The following LRMDA variants were observed in gnomAD, a reference collection of about 807,000 sequenced individuals.
LRMDA encodes the protein leucine rich melanocyte differentiation associated.
In LRMDA, 18 loss-of-function variants were observed where a neutral mutation model predicts 29.8. The observed-to-expected ratio is 0.60, with a 90% CI of 0.42 to 0.90. The LOEUF is 0.90. LRMDA is among the 40% of genes least tolerant of loss of function. The probability of loss-of-function intolerance (pLI) is 0.00; values close to 1 mark genes in which losing one functional copy is unlikely to be tolerated. For synonymous variants in LRMDA, 125 were observed against 109.4 expected, an observed-to-expected ratio of 1.14 and a Z score of -0.89; for missense variants, 273 against 273.9, an observed-to-expected ratio of 1.00 and a Z score of 0.02.
chr10:76,156,804 A>G (rs931762881), intron 5 of LRMDA, among the ~76,000 whole-genome samples: 2 of 152,206 alleles, frequency 1.3e-5, no homozygotes, highest in Non-Finnish European at 1.5e-5. Context: ...TGGGACATTT[A>G]TAGGAGAGCA....
At chr10:75,789,576 G>A (rs1211787873) in intron 2 of LRMDA, among the ~76,000 whole-genome samples, 2 of 152,184 alleles carry the variant, frequency 1.3e-5, no homozygotes. Flanking sequence ...TAATTCATAA[G>A]TGTATATTAT....
chr10:75,993,996 C>G (rs939686475), intron 2 of LRMDA, among the ~76,000 whole-genome samples: 2 of 152,168 alleles, frequency 1.3e-5, no homozygotes, highest in Non-Finnish European at 2.9e-5. Flanking sequence ...CAGGGCTTTT[C>G]TCTGGCTTCA....
At chr10:76,440,317 A>G (rs1842288226) in intron 6 of LRMDA, among the ~76,000 whole-genome samples, 1 of 152,210 alleles carries the variant, frequency 6.6e-6, no homozygotes, top group Non-Finnish European at 1.5e-5. Context: ...CTAAACAATC[A>G]CAATGCACAT....
At chr10:76,391,886 A>G (rs1841727167) in intron 6 of LRMDA, among the ~76,000 whole-genome samples, 2 of 152,190 alleles carry the variant, frequency 1.3e-5, no homozygotes, top group Non-Finnish European at 2.9e-5. Flanking sequence ...TTTGAAGTCT[A>G]TGCAAATTAT....
At chr10:76,375,948 T>C (rs2132464376) in intron 6 of LRMDA, among the ~76,000 whole-genome samples, 1 of 152,262 alleles carries the variant, frequency 6.6e-6, no homozygotes, top group East Asian at 1.9e-4. Flanking sequence ...AGTAAGAATA[T>C]CCTGCTGTAT....
intron 6 of LRMDA, among the ~76,000 whole-genome samples, chr10:76,536,916 G>T (rs910371990): frequency 2.0e-5 from 3 of 152,084 alleles, no homozygotes; most frequent in Non-Finnish European, 2.9e-5. Flanking sequence ...CTATGTTGGT[G>T]CATGGTAATT....
intron 2 of LRMDA, among the ~76,000 whole-genome samples, chr10:75,793,936 T>C (rs1321239615): frequency 1.3e-5 from 2 of 152,248 alleles, no homozygotes; most frequent in African/African-American, 4.8e-5. Flanking sequence ...ATGCAGTCTC[T>C]GTCACAACTC....
intron 5 of LRMDA, among the ~76,000 whole-genome samples, chr10:76,085,884 C>T (rs541575512): frequency 6.4e-4 from 98 of 152,316 alleles, no homozygotes; most frequent in African/African-American, 2.3e-3. Context: ...CTGCAGATAG[C>T]CTCTATAGAC....
chr10:76,439,391 G>A (rs749189464), intron 6 of LRMDA, among the ~76,000 whole-genome samples: 7 of 152,158 alleles, frequency 4.6e-5, no homozygotes. Context: ...CTTAATGCTT[G>A]CCTGGGTTGT....
intron 2 of LRMDA, among the ~76,000 whole-genome samples, chr10:75,820,399 T>C (rs185223585): frequency 1.3e-5 from 2 of 152,338 alleles, no homozygotes; most frequent in Admixed American, 1.3e-4. Flanking sequence ...TCTGATCATA[T>C]GTGATTGTTG....
At chr10:75,542,877 G>A (rs1480580316) in intron 2 of LRMDA, among the ~76,000 whole-genome samples, 7 of 152,132 alleles carry the variant, frequency 4.6e-5, no homozygotes, top group Non-Finnish European at 8.8e-5. Context: ...CCTCTACCAG[G>A]CCCCTTCCTG....
At chr10:75,942,338 G>A (rs1196052574) in intron 2 of LRMDA, among the ~76,000 whole-genome samples, 1 of 152,176 alleles carries the variant, frequency 6.6e-6, no homozygotes, top group Non-Finnish European at 1.5e-5. Context: ...CCTGAACAAG[G>A]AGCTTGGGAC....
intron 5 of LRMDA, among the ~76,000 whole-genome samples, chr10:76,154,121 G>C (rs181653969): frequency 1.3e-5 from 2 of 152,174 alleles, no homozygotes; most frequent in African/African-American, 4.8e-5. Context: ...TTGCTCTGTG[G>C]ATAGAACCCC....
At chr10:75,804,476 T>A (rs1241065214) in intron 2 of LRMDA, among the ~76,000 whole-genome samples, 1 of 152,238 alleles carries the variant, frequency 6.6e-6, no homozygotes, top group Non-Finnish European at 1.5e-5. Context: ...GGCCTGCCGA[T>A]GTCACCCCAA....
rs533002111 is a variant in LRMDA at position 75,796,729 on chromosome 10, C to T, written c.132-239279C>T. Among the ~76,000 whole-genome samples the T allele has an allele frequency of 9.2e-5, 14 of 152,248 alleles. No individual in the cohort carries two copies. The South Asian group carries it at 1.5e-3, about 16-fold the overall frequency. On this transcript the variant is annotated intron_variant, in intron 2 of 6. Coordinates refer to ENST00000611255, the MANE Select transcript of LRMDA (RefSeq NM_001305581.2). ...CTGAGATTACAAGTGCCTGCCACCA[C>T]GCCTGGCTAATTATAGTATTTTTAG...
intron 2 of LRMDA, among the ~76,000 whole-genome samples, chr10:75,704,648 A>C (rs1842345892): frequency 6.6e-6 from 1 of 152,102 alleles, no homozygotes; most frequent in Non-Finnish European, 1.5e-5. Context: ...CATCTTTCAC[A>C]CTTTTCTATG....
intron 2 of LRMDA, among the ~76,000 whole-genome samples, chr10:75,524,160 T>C (rs1407323116): frequency 2.0e-5 from 3 of 152,198 alleles, no homozygotes; most frequent in Non-Finnish European, 2.9e-5. Flanking sequence ...AGCAACCCAA[T>C]GAACGACTTT....
At chr10:75,661,603 G>T (rs1169030699) in intron 2 of LRMDA, among the ~76,000 whole-genome samples, 3 of 152,110 alleles carry the variant, frequency 2.0e-5, no homozygotes, top group East Asian at 3.9e-4. Context: ...ATGAATGTGA[G>T]ATATATATAT....
At chr10:76,007,768 A>G (rs575110074) in intron 2 of LRMDA, among the ~76,000 whole-genome samples, 313 of 152,188 alleles carry the variant, frequency 2.1e-3, no homozygotes, top group Non-Finnish European at 4.0e-3. Flanking sequence ...ATGCTCTTCC[A>G]AAGGATTTAT....
Sources: gnomAD v4.1 joint callset for allele counts (sites outside exome capture counted in the v4.1 genomes callset) on GRCh38, gnomAD v4.1.1 for gene constraint, MANE v1.5 for transcripts, NCBI Gene and HGNC (gene_info 2026-07-23, HGNC 2026-07-21) for gene names.